The following CECR2 variants were observed in gnomAD, a reference collection of about 807,000 sequenced individuals.
The protein encoded by CECR2 is CECR2 histone acetyl-lysine reader, also known as chromatin remodeling regulator CECR2.
CECR2 carries 30 observed loss-of-function variants against 154.5 expected under a neutral mutation model. The observed-to-expected ratio is 0.19, with a 90% CI of 0.15 to 0.26. The LOEUF (loss-of-function observed/expected upper bound fraction) is 0.26, where lower values mean the gene tolerates loss of function less well. CECR2 is among the 10% of genes least tolerant of loss of function. CECR2 has a pLI of 1.00. For missense variants in CECR2, 1,743 were observed against 1,829.3 expected (o/e 0.95, Z 0.86); for synonymous variants, 725 against 683.7 (o/e 1.06, Z -0.94).
chr22:17,375,524 A>G (rs76666835), intron 1 of CECR2, among the ~76,000 whole-genome samples: 2,919 of 152,286 alleles, frequency 0.019, 38 homozygotes, highest in Admixed American at 0.031. Context: ...TGAGACAGAC[A>G]ATGTATATAA....
At chr22:17,527,439 T>C (rs561998041) in intron 9 of CECR2, among the ~76,000 whole-genome samples, 20 of 151,668 alleles carry the variant, frequency 1.3e-4, no homozygotes, top group Non-Finnish European at 2.6e-4. Context: ...TCCTGGGCAA[T>C]AGAGCGAGAC....
At chr22:17,547,355 G>A (rs529959575) in intron 16 of CECR2, among the ~76,000 whole-genome samples, 454 of 151,782 alleles carry the variant, frequency 3.0e-3, no homozygotes, top group African/African-American at 0.01. Context: ...TCAGCCTCCC[G>A]AATAGCTGGG....
At chr22:17,409,027 C>G (rs974479548) in intron 1 of CECR2, among the ~76,000 whole-genome samples, 1 of 152,230 alleles carries the variant, frequency 6.6e-6, no homozygotes, top group African/African-American at 2.4e-5. Context: ...TGGTTTCCAG[C>G]TTTCAGCTCA....
chr22:17,509,317 T>C (rs1006099395), intron 7 of CECR2, among the ~76,000 whole-genome samples: 12 of 152,156 alleles, frequency 7.9e-5, no homozygotes, highest in Admixed American at 1.3e-4. Context: ...TAATGTGGTA[T>C]GTGGAAGAGT....
rs760004505 is a variant in CECR2 at position 17,548,956 on chromosome 22, C to A, written c.3669C>A (p.Ser1223Arg). ...CTCTCCATCCCCAGGGAAGCCCAAG[C>A]GGACCCCCAGCCAGTCAGCCTCCCC... ...QRPLHPQGSPSGPPASQPPPP... is the reference protein window; with the variant it reads ...QRPLHPQGSPRGPPASQPPPP... The change falls in exon 17 of 19, where the codon AGC (serine) becomes AGA (arginine). Residue 1223 changes from serine (S) to arginine (R), a missense_variant. By Grantham distance (110) the Ser-to-Arg change is moderately radical. This residue lies in a region of CECR2 where 1,250 missense variants were observed against 1,192.1 expected (regional missense o/e 1.05). Coordinates refer to ENST00000262608, the MANE Select transcript of CECR2 (RefSeq NM_001290047.2). 5.0e-6 allele frequency: 8 copies of A among 1,613,918 alleles called. No individual in the cohort carries two copies. The South Asian group carries it at 8.8e-5, about 18-fold the overall frequency.
At chr22:17,413,739 C>A (rs867327092) in intron 1 of CECR2, among the ~76,000 whole-genome samples, 28 of 151,876 alleles carry the variant, frequency 1.8e-4, no homozygotes, top group African/African-American at 6.5e-4. Context: ...TACAGTGGCG[C>A]GATCTCAGCT....
intron 1 of CECR2, among the ~76,000 whole-genome samples, chr22:17,388,029 G>A (rs1011989963): frequency 4.0e-5 from 6 of 151,550 alleles, no homozygotes; most frequent in Middle Eastern, 3.2e-3. Context: ...ATCTGGGCTC[G>A]CTGTAACCTC....
chr22:17,523,966 G>A (rs567421215), intron 8 of CECR2, among the ~76,000 whole-genome samples, 152 bp from the exon 9 acceptor site: 1 of 152,124 alleles, frequency 6.6e-6, no homozygotes, highest in South Asian at 2.1e-4. Context: ...GTATATCCAT[G>A]TGTATTTTAC....
In CECR2 at chr22:17,514,113, C is replaced by T. The variant is rs1226592257; in HGVS notation, c.954+2217C>T. Among the ~76,000 whole-genome samples the T allele has an allele frequency of 3.9e-5, 6 of 152,264 alleles. No homozygotes were observed. In the East Asian group the frequency reaches 1.2e-3, roughly 29 times the overall value. On this transcript the variant is annotated intron_variant, in intron 8 of 18. Transcript: ENST00000262608. The stretch of plus-strand genomic sequence containing the variant: ...GGCCTCTATTGGTCACTCAGCAGTC[C>T]AAACTTATTGCCTGATAAAAGACTT...
chr22:17,361,760 A>AAG (rs1377345156), intron 1 of CECR2, among the ~76,000 whole-genome samples: 1 of 151,642 alleles, frequency 6.6e-6, no homozygotes, highest in Non-Finnish European at 1.5e-5. Flanking sequence ...AAAAAAAAAA[A>AAG]AGAGAGAGAG....
chr22:17,473,047 A>AGGAT (rs2055153857), intron 1 of CECR2, among the ~76,000 whole-genome samples: 1 of 152,110 alleles, frequency 6.6e-6, no homozygotes, highest in Non-Finnish European at 1.5e-5. Flanking sequence ...CACGGCTCGA[A>AGGAT]GGATTTGTCG....
At position 17,553,157 on chromosome 22, in the gene CECR2, T is replaced by A; in HGVS notation, c.*317T>A. Reference sequence around the variant, plus strand: ...AGACACTTTTCAGGGAAAATCACTTTAAACTTGGGGGAGGGGGTATACTCA... The same window carrying A: ...AGACACTTTTCAGGGAAAATCACTTAAAACTTGGGGGAGGGGGTATACTCA... On this transcript the variant is annotated 3_prime_UTR_variant, in exon 19 of 19. Coordinates refer to ENST00000262608, the MANE Select transcript of CECR2 (RefSeq NM_001290047.2). 3.2e-6 allele frequency: 1 copy of A among 316,788 alleles called. No individual in the cohort carries two copies. Among genetic ancestry groups the A allele is most frequent in the Non-Finnish European group, 5.5e-6 (1 of 182,984 alleles). 19.6% of individuals were successfully genotyped at this position (316,788 alleles called of 1,614,324 possible).
At chr22:17,364,113 G>C (rs1375850059) in intron 1 of CECR2, among the ~76,000 whole-genome samples, 1 of 151,900 alleles carries the variant, frequency 6.6e-6, no homozygotes, top group African/African-American at 2.4e-5. Flanking sequence ...GGAGGCCGAG[G>C]CGGGCAGATC....
chr22:17,487,502 A>AT (rs1270188619), intron 2 of CECR2, among the ~76,000 whole-genome samples: 5 of 152,160 alleles, frequency 3.3e-5, no homozygotes, highest in African/African-American at 1.2e-4. Flanking sequence ...GATAGAGACC[A>AT]TCCTGGCTAA....
At chr22:17,510,210 G>A (rs896090945) in intron 7 of CECR2, among the ~76,000 whole-genome samples, 6 of 152,204 alleles carry the variant, frequency 3.9e-5, no homozygotes, top group Admixed American at 2.0e-4. Flanking sequence ...CAGGGTTGAA[G>A]TGAAGCTGGC....
intron 1 of CECR2, among the ~76,000 whole-genome samples, chr22:17,423,456 A>G (rs1022208160): frequency 1.3e-5 from 2 of 151,936 alleles, no homozygotes; most frequent in Non-Finnish European, 2.9e-5. Flanking sequence ...GCAGTGAGCC[A>G]AGATCGCGCC....
intron 1 of CECR2, among the ~76,000 whole-genome samples, chr22:17,402,144 C>T: frequency 6.6e-6 from 1 of 152,056 alleles, no homozygotes; most frequent in African/African-American, 2.4e-5. Flanking sequence ...CCACCATGCC[C>T]AGCTAATTTC....
At chr22:17,454,960 C>G (rs570837157) in intron 1 of CECR2, among the ~76,000 whole-genome samples, 1 of 152,262 alleles carries the variant, frequency 6.6e-6, no homozygotes, top group South Asian at 2.1e-4. Context: ...GAGACAGGGT[C>G]ATTTATAACC....
At chr22:17,464,452 C>T in intron 1 of CECR2, among the ~76,000 whole-genome samples, 1 of 152,302 alleles carries the variant, frequency 6.6e-6, no homozygotes, top group African/African-American at 2.4e-5. Flanking sequence ...TTGGCAGCTA[C>T]CAACATTTGT....
Sources: gnomAD v4.1 joint callset for allele counts (sites outside exome capture counted in the v4.1 genomes callset) on GRCh38, gnomAD v4.1.1 for gene constraint, gnomAD v4.1.1 regional missense constraint, MANE v1.5 for transcripts, NCBI Gene and HGNC (gene_info 2026-07-23, HGNC 2026-07-21) for gene names.